The following PCDHA6 variants were observed in gnomAD, a reference collection of about 807,000 sequenced individuals.
PCDHA6 encodes protocadherin alpha-6.
A neutral mutation model predicts 60.3 loss-of-function variants in PCDHA6; 55 were observed. The observed-to-expected ratio is 0.91, with a 90% CI of 0.73 to 1.14. PCDHA6 has a LOEUF of 1.14. Among genes scored for constraint, PCDHA6 ranks in the 50% most tolerant of loss-of-function variants. The pLI, the probability that PCDHA6 is intolerant of heterozygous loss-of-function variation, is 0.00. For synonymous variants in PCDHA6, 652 were observed against 557.9 expected, an observed-to-expected ratio of 1.17 and a Z score of -2.38; for missense variants, 1,327 against 1,256.5, an observed-to-expected ratio of 1.06 and a Z score of -0.85.
At chr5:141,003,517 T>C (rs538562882) in intron 3 of PCDHA6, among the ~76,000 whole-genome samples, 1 of 152,238 alleles carries the variant, frequency 6.6e-6, no homozygotes, top group East Asian at 1.9e-4. Context: ...TTCACCATGT[T>C]CCCTAGGCTG....
At chr5:140,998,130 A>C (rs1226238554) in intron 3 of PCDHA6, among the ~76,000 whole-genome samples, 1 of 152,206 alleles carries the variant, frequency 6.6e-6, no homozygotes, top group Non-Finnish European at 1.5e-5. Context: ...GAATCATAAT[A>C]GCTAACCTGT....
intron 1 of PCDHA6, chr5:140,882,849 T>A: frequency 1.2e-6 from 2 of 1,614,242 alleles, no homozygotes; most frequent in Non-Finnish European, 1.7e-6. Flanking sequence ...TCATTATCAC[T>A]TGTACTGAGG....
intron 3 of PCDHA6, among the ~76,000 whole-genome samples, chr5:140,988,674 T>C (rs1221039125): frequency 1.3e-5 from 2 of 152,240 alleles, no homozygotes; most frequent in Non-Finnish European, 2.9e-5. Context: ...GACTCTAAGA[T>C]AATTCTTTCC....
At position 141,010,062 on chromosome 5, in the gene PCDHA6, A is replaced by G. The variant is rs1310704954; in HGVS notation, c.*125A>G. The G allele has an allele frequency of 8.1e-6, 13 of 1,602,422 alleles. No individual in the cohort carries two copies. Among genetic ancestry groups the G allele is most frequent in the African/African-American group, 2.7e-5 (2 of 74,284 alleles). On this transcript the variant is annotated 3_prime_UTR_variant, in exon 4 of 4. Transcript: ENST00000529310. Reference sequence around the variant, plus strand: ...CCTCTTAGAGACCTCAGAAATCTGCAGAAAGTTCCCTGTGTCTGTCTAGAA... The same window carrying G: ...CCTCTTAGAGACCTCAGAAATCTGCGGAAAGTTCCCTGTGTCTGTCTAGAA...
chr5:140,978,794 T>A, intron 1 of PCDHA6, 155 bp from the exon 2 acceptor site: 1 of 978,746 alleles, frequency 1.0e-6, no homozygotes, highest in Non-Finnish European at 1.2e-6. Flanking sequence ...GTGCTATATA[T>A]GTAGATATCA....
At chr5:140,891,499 C>T (rs896936552) in intron 1 of PCDHA6, among the ~76,000 whole-genome samples, 1 of 151,838 alleles carries the variant, frequency 6.6e-6, no homozygotes, top group South Asian at 2.1e-4. Flanking sequence ...ATATCCTCAG[C>T]TATAATGTTC....
chr5:140,845,771 A>C (rs1034344709), intron 1 of PCDHA6, among the ~76,000 whole-genome samples: 1 of 149,762 alleles, frequency 6.7e-6, no homozygotes, highest in African/African-American at 2.4e-5. Flanking sequence ...GTTAATAGTT[A>C]TAAATTATTA....
At chr5:140,966,641 A>C in intron 1 of PCDHA6, 5 of 1,104,534 alleles carry the variant, frequency 4.5e-6, no homozygotes, top group Non-Finnish European at 6.0e-6. Flanking sequence ...GGCGCTTTCT[A>C]GAGCGTGAGC....
chr5:140,872,424 C>T (rs534204647), intron 1 of PCDHA6, among the ~76,000 whole-genome samples: 4 of 152,028 alleles, frequency 2.6e-5, no homozygotes, highest in South Asian at 2.1e-4. Context: ...CCCAAGAGTT[C>T]GAGGCCTGCC....
chr5:140,978,721 A>C (rs2096819896), intron 1 of PCDHA6, among the ~76,000 whole-genome samples: 1 of 152,236 alleles, frequency 6.6e-6, no homozygotes, highest in African/African-American at 2.4e-5. Flanking sequence ...CAAGATTATT[A>C]AATCTGGTCT....
At chr5:140,991,988 C>T (rs1167776981) in intron 3 of PCDHA6, among the ~76,000 whole-genome samples, 1 of 151,478 alleles carries the variant, frequency 6.6e-6, no homozygotes, top group Non-Finnish European at 1.5e-5. Flanking sequence ...GCCTACCACC[C>T]GGTCTTTCAT....
chr5:140,846,892 T>G (rs910093785), intron 1 of PCDHA6, among the ~76,000 whole-genome samples: 1 of 149,538 alleles, frequency 6.7e-6, no homozygotes, highest in Non-Finnish European at 1.5e-5. Flanking sequence ...AGAATGACGT[T>G]GAAGTTGAAA....
intron 1 of PCDHA6, chr5:140,843,791 A>G (rs2150366777): frequency 7.3e-7 from 1 of 1,376,400 alleles, no homozygotes; most frequent in Admixed American, 2.2e-5. Flanking sequence ...TTTCAGATTT[A>G]GTTTTTCACC....
At chr5:141,007,325 C>G (rs1303133451) in intron 3 of PCDHA6, among the ~76,000 whole-genome samples, 2 of 145,322 alleles carry the variant, frequency 1.4e-5, no homozygotes, top group Non-Finnish European at 3.0e-5. Flanking sequence ...CTAAAGTGGA[C>G]AGATTGCCTG....
chr5:140,948,385 T>A (rs909867343), intron 1 of PCDHA6, among the ~76,000 whole-genome samples: 4 of 151,622 alleles, frequency 2.6e-5, no homozygotes, highest in Admixed American at 2.6e-4. Flanking sequence ...TTCCTCTATT[T>A]TCTGAAAGGT....
intron 1 of PCDHA6, chr5:140,863,768 G>C (rs2048166638): frequency 4.1e-6 from 1 of 242,260 alleles, no homozygotes; most frequent in African/African-American, 2.2e-5. Flanking sequence ...GGAAGCCGAG[G>C]CGGGCGGATC....
At chr5:140,920,989 A>C (rs1409702083) in intron 1 of PCDHA6, among the ~76,000 whole-genome samples, 1 of 151,756 alleles carries the variant, frequency 6.6e-6, no homozygotes, top group Non-Finnish European at 1.5e-5. Context: ...GTATTTGCTT[A>C]TTTTTTCAGA....
chr5:140,830,470 A>G lies in PCDHA6; in HGVS notation c.2379A>G (p.Glu793=). 1.3e-6 allele frequency: 2 copies of G among 1,563,546 alleles called. No individual in the cohort carries two copies. The highest frequency in any genetic ancestry group is 8.7e-7 in the Non-Finnish European group (1 of 1,152,258). ...MGKAENQDLN[E]DHDAKPRQPN... Reference sequence around the variant, plus strand: ...AGGCGGAGAATCAGGATTTAAATGAAGATCATGATGCCAAAGTAAGTGAAT... The same window carrying G: ...AGGCGGAGAATCAGGATTTAAATGAGGATCATGATGCCAAAGTAAGTGAAT... Residue 793 remains glutamate, a synonymous_variant, in exon 1 of 4, where the codon GAA becomes GAG. Coordinates refer to ENST00000529310, the MANE Select transcript of PCDHA6 (RefSeq NM_018909.4).
intron 1 of PCDHA6, chr5:140,850,906 T>A: frequency 6.4e-7 from 1 of 1,550,722 alleles, no homozygotes; most frequent in Non-Finnish European, 8.7e-7. Context: ...TTTTCTAGCA[T>A]TTTATTTATT....
Sources: allele counts gnomAD v4.1 joint callset (sites outside exome capture counted in the v4.1 genomes callset), GRCh38; gene constraint gnomAD v4.1.1; transcripts MANE v1.5; gene names NCBI Gene and HGNC (gene_info 2026-07-23, HGNC 2026-07-21).